GRK3: variants seen among roughly 807,000 people sequenced by gnomAD.
GRK3 encodes the protein adrenergic, beta, receptor kinase 2.
In GRK3, 54 loss-of-function variants were observed where a neutral mutation model predicts 95.7. That is an observed-to-expected ratio of 0.56 (90% confidence interval 0.45 to 0.71). The LOEUF (loss-of-function observed/expected upper bound fraction) is 0.71. GRK3 is among the 30% of genes least tolerant of loss of function. The probability of loss-of-function intolerance (pLI) is 0.00; values close to 1 mark genes in which losing one functional copy is unlikely to be tolerated. For synonymous variants in GRK3, 281 were observed against 290.8 expected, an observed-to-expected ratio of 0.97 and a Z score of 0.34; for missense variants, 649 against 851.2, an observed-to-expected ratio of 0.76 and a Z score of 2.96.
intron 12 of GRK3, among the ~76,000 whole-genome samples, chr22:25,691,086 T>G (rs1282345219): frequency 6.6e-6 from 1 of 152,208 alleles, no homozygotes; most frequent in African/African-American, 2.4e-5. Context: ...CCCGGGGCTC[T>G]GCAGAAACAC....
At chr22:25,604,531 A>AC in intron 2 of GRK3, 78 bp downstream of exon 2, 3 of 937,520 alleles carry the variant, frequency 3.2e-6, no homozygotes, top group Non-Finnish European at 4.9e-6. Context: ...ATATGAATGC[A>AC]CCCCCTAGTG....
rs1157672719 is a variant in GRK3, at chr22:25,688,069, T to A, written c.957+402T>A. 3.3e-5 allele frequency among the ~76,000 whole-genome samples: 5 copies of A among 152,092 alleles called. No homozygotes were observed. The South Asian group carries it at 6.2e-4, about 19-fold the overall frequency. On this transcript the variant is annotated intron_variant, in intron 11 of 20. Transcript: ENST00000324198. ...GGCTAACACAGTGAAACCCCGTCTC[T>A]ACTAAAAATACAAAAAATTAGCCGG...
chr22:25,661,608 A>G lies in GRK3; in HGVS notation c.297A>G (p.Glu99=). The change falls in exon 4 of 21, where the codon GAA becomes GAG. Residue 99 remains glutamate (E), a synonymous_variant. Coordinates refer to ENST00000324198, the MANE Select transcript of GRK3 (RefSeq NM_005160.4). ...AATATGAAAAACTTGATAATGAGGAAGACCGCCTTTGCAGAAGTCGACAAA... is the reference window on the plus strand; with the variant it reads ...AATATGAAAAACTTGATAATGAGGAGGACCGCCTTTGCAGAAGTCGACAAA... ...IKEYEKLDNE[E]DRLCRSRQIY... 1 of 1,613,178 alleles carries G rather than the reference A, an allele frequency of 6.2e-7. No individual in the cohort carries two copies. The highest frequency in any genetic ancestry group is 8.5e-7 in the Non-Finnish European group (1 of 1,179,404).
At chr22:25,565,289 G>C in intron 1 of GRK3, 136 bp downstream of exon 1, 1 of 433,300 alleles carries the variant, frequency 2.3e-6, no homozygotes, top group East Asian at 4.3e-5. Context: ...GGGCGATGCG[G>C]GGCCGGCCTC....
chr22:25,642,021 GTCTTCC>G (rs2084746810), intron 2 of GRK3, among the ~76,000 whole-genome samples: 2 of 152,168 alleles, frequency 1.3e-5, no homozygotes, highest in Non-Finnish European at 2.9e-5. Flanking sequence ...TGTTAGTTTT[GTCTTCC>G]AGAAATAGAA....
intron 1 of GRK3, among the ~76,000 whole-genome samples, chr22:25,593,855 G>A (rs1432622239): frequency 2.0e-5 from 3 of 152,100 alleles, no homozygotes; most frequent in Non-Finnish European, 4.4e-5. Flanking sequence ...CATTTATTGA[G>A]TAGGGAGTCC....
chr22:25,661,827 T>A, intron 4 of GRK3, 150 bp downstream of exon 4: 1 of 497,548 alleles, frequency 2.0e-6, no homozygotes, highest in Non-Finnish European at 3.6e-6. Flanking sequence ...CTTTGTTGTT[T>A]CCTGGTAATA....
At chr22:25,571,708 G>A (rs1403687076) in intron 1 of GRK3, among the ~76,000 whole-genome samples, 1 of 151,612 alleles carries the variant, frequency 6.6e-6, no homozygotes, top group African/African-American at 2.4e-5. Flanking sequence ...CTGAAAAGCT[G>A]GATGATTGGC....
At chr22:25,596,660 C>G (rs1304586108) in intron 1 of GRK3, among the ~76,000 whole-genome samples, 1 of 152,188 alleles carries the variant, frequency 6.6e-6, no homozygotes, top group East Asian at 1.9e-4. Context: ...CCATCCCTGG[C>G]AGAGTCTTAG....
intron 11 of GRK3, among the ~76,000 whole-genome samples, chr22:25,688,235 CAAAAAA>C (rs35383882): frequency 9.5e-5 from 6 of 63,488 alleles, no homozygotes; most frequent in South Asian, 5.7e-4. Context: ...GACTCTGTCT[CAAAAAA>C]AAAAAAAAAA....
intron 12 of GRK3, among the ~76,000 whole-genome samples, chr22:25,691,340 G>A (rs2085163293): frequency 6.6e-6 from 1 of 151,956 alleles, no homozygotes; most frequent in Admixed American, 6.6e-5. Flanking sequence ...TCATGCATCT[G>A]TGCAGAAAAT....
chr22:25,662,753 C>T (rs1438668180), intron 4 of GRK3, among the ~76,000 whole-genome samples: 3 of 152,132 alleles, frequency 2.0e-5, no homozygotes, highest in Non-Finnish European at 4.4e-5. Context: ...AATGGGAAAG[C>T]CTCCGTAAAC....
intron 1 of GRK3, among the ~76,000 whole-genome samples, chr22:25,591,442 C>A (rs937100743): frequency 1.6e-4 from 24 of 152,072 alleles, no homozygotes; most frequent in Non-Finnish European, 2.5e-4. Flanking sequence ...ACTCAATCCC[C>A]AGCCTCCCTG....
At chr22:25,710,768 T>G (rs2085337806) in intron 16 of GRK3, among the ~76,000 whole-genome samples, 1 of 152,234 alleles carries the variant, frequency 6.6e-6, no homozygotes, top group Non-Finnish European at 1.5e-5. Context: ...TGTGCTTTCT[T>G]AAGCTGAGCT....
At chr22:25,693,260 G>A (rs892751962) in intron 12 of GRK3, among the ~76,000 whole-genome samples, 5 of 152,216 alleles carry the variant, frequency 3.3e-5, no homozygotes, top group Non-Finnish European at 5.9e-5. Context: ...GGAAGCATTA[G>A]CAGCTGCCTT....
At chr22:25,667,531 CTGTGTCTTCATAGAATCAAGTGGTG>C in intron 5 of GRK3, among the ~76,000 whole-genome samples, 183 bp from the exon 6 acceptor site, 2 of 152,290 alleles carry the variant, frequency 1.3e-5, no homozygotes, top group Non-Finnish European at 2.9e-5. Context: ...GCAGACTTGT[CTGTGTCTTCATAGAATCAAGTGGTG>C]TAGATAAATA....
At chr22:25,656,529 G>T (rs1407703518) in intron 3 of GRK3, among the ~76,000 whole-genome samples, 4 of 152,070 alleles carry the variant, frequency 2.6e-5, no homozygotes, top group East Asian at 3.9e-4. Flanking sequence ...GTCTCACTGT[G>T]TTGCCCAGGC....
Position 25,572,006 on chromosome 22 carries a change from C to G in GRK3, c.113+6853C>G, listed in dbSNP as rs572237487. On this transcript the variant is annotated intron_variant, in intron 1 of 20. Coordinates refer to ENST00000324198, the MANE Select transcript of GRK3 (RefSeq NM_005160.4). ...ATTTCTCCCAATGCTATCCCTACCC[C>G]TTCCCCCCGCCCCATGATAGACCCT... 3.3e-5 allele frequency among the ~76,000 whole-genome samples: 5 copies of G among 152,010 alleles called. No homozygotes were observed. In the South Asian group the frequency reaches 1.0e-3, roughly 32 times the overall value.
In GRK3 at chr22:25,704,103, C is replaced by A. The variant is rs372475237; in HGVS notation, c.1228-6C>A. The A allele has an allele frequency of 9.3e-6, 15 of 1,607,500 alleles. No individual in the cohort carries two copies. The highest frequency in any genetic ancestry group is 1.3e-5 in the Non-Finnish European group (15 of 1,175,638). On this transcript the variant is annotated splice_region_variant and splice_polypyrimidine_tract_variant and intron_variant, in intron 14 of 20. Transcript: ENST00000324198. ...ATTTTTGAAATCTTACTCGTCTTTTCCCCAGAATGTGGAACTTCCAGACAC... is the reference window on the plus strand; with the variant it reads ...ATTTTTGAAATCTTACTCGTCTTTTACCCAGAATGTGGAACTTCCAGACAC...
Sources: gnomAD v4.1 joint callset for allele counts (sites outside exome capture counted in the v4.1 genomes callset) on GRCh38, gnomAD v4.1.1 for gene constraint, MANE v1.5 for transcripts, NCBI Gene and HGNC (gene_info 2026-07-23, HGNC 2026-07-21) for gene names.